The following DNAJC11 variants were observed in gnomAD, a reference collection of about 807,000 sequenced individuals.
DNAJC11 encodes the protein dnaJ homolog subfamily C member 11.
In DNAJC11, 15 loss-of-function variants were observed where a neutral mutation model predicts 78.6. The observed-to-expected ratio is 0.19, with a 90% CI of 0.13 to 0.29. The LOEUF (loss-of-function observed/expected upper bound fraction) is 0.29. Ranked by LOEUF, DNAJC11 falls within the 10% of genes least tolerant of loss-of-function variation. The probability of loss-of-function intolerance (pLI) is 1.00; values close to 1 mark genes in which losing one functional copy is unlikely to be tolerated. For synonymous variants in DNAJC11, 292 were observed against 272.1 expected (o/e 1.07, Z -0.72); for missense variants, 547 against 709.6 (o/e 0.77, Z 2.60).
rs938657673 is a variant in DNAJC11, at chr1:6,653,012, A to C, written c.508-61T>G. 3.1e-6 allele frequency: 5 copies of C among 1,606,992 alleles called. No individual in the cohort carries two copies. In the Admixed American group the frequency reaches 8.4e-5, roughly 27 times the overall value. ...AACAACAGGAAGTGCCAATGGCAGC[A>C]GCCTAAAGAACGCACTGTGAGCCCA... is the stretch of plus-strand genomic sequence containing the variant. On this transcript the variant is annotated intron_variant, in intron 5 of 15. Coordinates refer to ENST00000377577, the MANE Select transcript of DNAJC11 (RefSeq NM_018198.4). This position sits in a 1 kb window ranked among gnomAD's most constrained non-coding sequence, Gnocchi z 4.5.
intron 14 of DNAJC11, 50 bp downstream of exon 14, chr1:6,637,148 C>G (rs1188659579): frequency 3.1e-6 from 5 of 1,610,290 alleles, no homozygotes; most frequent in Non-Finnish European, 3.4e-6. Flanking sequence ...CCGCGCCCAG[C>G]CTGTTCAAAT....
intron 4 of DNAJC11, among the ~76,000 whole-genome samples, chr1:6,660,727 A>G (rs1170852376): frequency 1.3e-5 from 2 of 152,108 alleles, no homozygotes; most frequent in Non-Finnish European, 2.9e-5. Flanking sequence ...TAGCTAGCAC[A>G]TTTCTCCCTG....
rs201724546 is a variant in DNAJC11, at chr1:6,680,941, G to A, written c.169C>T (p.Arg57Ter). The change falls in exon 2 of 16, where the codon CGA (arginine) becomes TGA (stop). Residue 57 changes from arginine to a stop codon, truncating the protein, a stop_gained. Transcript: ENST00000377577. LOFTEE classifies it high-confidence loss of function. This position sits in a 1 kb window ranked among gnomAD's most constrained non-coding sequence, Gnocchi z 4.0. Reference sequence around the variant, plus strand: ...GCCTGGTGAACAAGGTTAAACAGTCGTTCCGCCTGTGACTTGAGCTCTGGG... The same window carrying A: ...GCCTGGTGAACAAGGTTAAACAGTCATTCCGCCTGTGACTTGAGCTCTGGG... Reference protein sequence around the residue: ...RDPELKSQAERLFNLVHQAYE... With the variant: ...RDPELKSQAE 1.2e-6 allele frequency: 2 copies of A among 1,614,002 alleles called. No individual in the cohort carries two copies. Among genetic ancestry groups the A allele is most frequent in the South Asian group, 1.1e-5 (1 of 91,066 alleles).
intron 3 of DNAJC11, 66 bp from the exon 4 acceptor site, chr1:6,667,876 A>G: frequency 6.8e-7 from 1 of 1,466,840 alleles, no homozygotes; most frequent in South Asian, 1.1e-5. Context: ...GTACACAAAG[A>G]GCTGCAGCCA....
rs564108217 is a variant in DNAJC11, at chr1:6,666,150, T to C, written c.378+1559A>G. On this transcript the variant is annotated intron_variant, in intron 4 of 15. Transcript: ENST00000377577. Reference sequence around the variant, plus strand: ...CTTTTTTCCCAAGAGAATTAAATCATTTATTGATTACACATGATAATGAGT... The same window carrying C: ...CTTTTTTCCCAAGAGAATTAAATCACTTATTGATTACACATGATAATGAGT... 3.3e-5 allele frequency among the ~76,000 whole-genome samples: 5 copies of C among 152,314 alleles called. No individual in the cohort carries two copies. The East Asian group carries it at 9.6e-4, about 29-fold the overall frequency.
intron 10 of DNAJC11, among the ~76,000 whole-genome samples, chr1:6,642,904 A>G (rs1641899111): frequency 6.6e-6 from 1 of 152,162 alleles, no homozygotes; most frequent in Non-Finnish European, 1.5e-5. Flanking sequence ...GTGAGTCCTC[A>G]GGGCATGAGA....
In DNAJC11 at chr1:6,701,253, C is replaced by A. The variant is rs575292146; in HGVS notation, c.72+476G>T. Among the ~76,000 whole-genome samples the A allele has an allele frequency of 9.8e-5, 15 of 152,292 alleles. No homozygotes were observed. In the South Asian group the frequency reaches 2.7e-3, roughly 27 times the overall value. Reference sequence around the variant, plus strand: ...AGGCAGAGCGTCCCCACGAAAGACTCGGGAACCGGAAAAAGCCCTAAGGAC... The same window carrying A: ...AGGCAGAGCGTCCCCACGAAAGACTAGGGAACCGGAAAAAGCCCTAAGGAC... On this transcript the variant is annotated intron_variant, in intron 1 of 15. Coordinates refer to ENST00000377577, the MANE Select transcript of DNAJC11 (RefSeq NM_018198.4).
intron 12 of DNAJC11, 132 bp downstream of exon 12, chr1:6,638,163 A>G (rs1032745062): frequency 2.4e-6 from 2 of 848,084 alleles, no homozygotes; most frequent in African/African-American, 3.4e-5. Flanking sequence ...GTCGCATCCC[A>G]CAATAAAGAC....
At chr1:6,637,092 C>T (rs999533576) in intron 14 of DNAJC11, 106 bp downstream of exon 14, 6 of 1,445,626 alleles carry the variant, frequency 4.2e-6, no homozygotes, top group Admixed American at 1.8e-5. Context: ...TCAAGCAATC[C>T]GCCCACCTTG....
intron 4 of DNAJC11, among the ~76,000 whole-genome samples, chr1:6,655,436 T>G (rs140289492): frequency 7.2e-5 from 11 of 152,266 alleles, no homozygotes; most frequent in African/African-American, 2.6e-4. Context: ...TTGCCAAAAT[T>G]TACAAATTTT....
intron 11 of DNAJC11, 150 bp from the exon 12 acceptor site, chr1:6,638,514 C>T: frequency 1.6e-6 from 1 of 620,494 alleles, no homozygotes; most frequent in Non-Finnish European, 2.5e-6. Flanking sequence ...ATTCCCACGA[C>T]AGTCTCAGGC....
At chr1:6,650,729 T>A (rs1471284033) in intron 7 of DNAJC11, among the ~76,000 whole-genome samples, 2 of 149,036 alleles carry the variant, frequency 1.3e-5, no homozygotes, top group Non-Finnish European at 3.0e-5. Context: ...CAAAAATAGC[T>A]GGGTGTGGTG....
rs527677174 is a variant in DNAJC11, at chr1:6,685,053, G to A, written c.73-4016C>T. Among the ~76,000 whole-genome samples the A allele has an allele frequency of 2.2e-3, 341 of 152,266 alleles. 4 individuals carry two copies. The highest frequency in any genetic ancestry group is 0.02 in the South Asian group (98 of 4,820). Reference sequence around the variant, plus strand: ...TTTGGTATCCCAAGGTGGGAGGATCGCTTGAGGCCAGGAGTTCAAGACCAG... The same window carrying A: ...TTTGGTATCCCAAGGTGGGAGGATCACTTGAGGCCAGGAGTTCAAGACCAG... On this transcript the variant is annotated intron_variant, in intron 1 of 15. Coordinates refer to ENST00000377577, the MANE Select transcript of DNAJC11 (RefSeq NM_018198.4).
chr1:6,671,409 A>AT (rs1309380180), intron 3 of DNAJC11, among the ~76,000 whole-genome samples: 4 of 150,180 alleles, frequency 2.7e-5, no homozygotes, highest in East Asian at 3.9e-4. Context: ...CGCCCGGCTA[A>AT]TTTTTTTTAG....
intron 1 of DNAJC11, among the ~76,000 whole-genome samples, chr1:6,699,509 G>C (rs1227441375): frequency 6.6e-6 from 1 of 152,164 alleles, no homozygotes; most frequent in Non-Finnish European, 1.5e-5. Context: ...TGACAACCCA[G>C]ACTAAGTACG....
chr1:6,669,612 G>A (rs976956658), intron 3 of DNAJC11, among the ~76,000 whole-genome samples: 4 of 152,022 alleles, frequency 2.6e-5, no homozygotes, highest in South Asian at 2.1e-4. Context: ...TTCTTAGCTC[G>A]TCATGAAAGG....
rs1258681724 is a variant in DNAJC11, at chr1:6,637,181, G to T, written c.1524+17C>A. On this transcript the variant is annotated intron_variant, in intron 14 of 15. Coordinates refer to ENST00000377577, the MANE Select transcript of DNAJC11 (RefSeq NM_018198.4). ...AATCTGTGAGCACATAGCATGTGGTGGCTGGTGCTGCTGTACCTTGGAGGC... is the reference window on the plus strand; with the variant it reads ...AATCTGTGAGCACATAGCATGTGGTTGCTGGTGCTGCTGTACCTTGGAGGC... 2 of 1,613,950 alleles carry T rather than the reference G, an allele frequency of 1.2e-6. No individual in the cohort carries two copies. The highest frequency in any genetic ancestry group is 1.7e-6 in the Non-Finnish European group (2 of 1,179,980).
chr1:6,681,151 G>A (rs533673125), intron 1 of DNAJC11, 114 bp from the exon 2 acceptor site: 49 of 1,111,048 alleles, frequency 4.4e-5, no homozygotes, highest in East Asian at 3.2e-4. Context: ...GTTTGCTCTC[G>A]ACATACAGGA....
chr1:6,677,759 A>T (rs35657368), intron 3 of DNAJC11, among the ~76,000 whole-genome samples: 84 of 152,354 alleles, frequency 5.5e-4, no homozygotes, highest in Non-Finnish European at 1.0e-3. Flanking sequence ...GAAAGCAAAC[A>T]AATTGTCTGG....
Sources: gnomAD v4.1 joint callset for allele counts (sites outside exome capture counted in the v4.1 genomes callset) on GRCh38, gnomAD v4.1.1 for gene constraint, Gnocchi (gnomAD v3.1) non-coding constraint, MANE v1.5 for transcripts, NCBI Gene and HGNC (gene_info 2026-07-23, HGNC 2026-07-21) for gene names.